GTF3C1: variants seen among roughly 807,000 people sequenced by gnomAD.
GTF3C1 encodes the protein general transcription factor IIIC subunit 1, also known as general transcription factor 3C polypeptide 1.
In GTF3C1, 57 loss-of-function variants were observed where a neutral mutation model predicts 226.7. The ratio of observed to expected loss-of-function variants is 0.25; its 90% confidence interval spans 0.20 to 0.31. The LOEUF (loss-of-function observed/expected upper bound fraction) is 0.31, where lower values mean the gene tolerates loss of function less well. Among genes scored for constraint, GTF3C1 ranks in the 10% least tolerant of loss-of-function variants. The probability of loss-of-function intolerance (pLI) is 1.00; values close to 1 mark genes in which losing one functional copy is unlikely to be tolerated. For synonymous variants in GTF3C1, 1,090 were observed against 1,084.8 expected (o/e 1.00, Z -0.09); for missense variants, 2,217 against 2,776.1 (o/e 0.80, Z 4.53).
chr16:27,548,304 G>A (rs2141472302), intron 1 of GTF3C1, among the ~76,000 whole-genome samples: 1 of 152,250 alleles, frequency 6.6e-6, no homozygotes, highest in Admixed American at 6.5e-5. Flanking sequence ...GTCTCACTCT[G>A]TCACCCAGGC....
intron 6 of GTF3C1, among the ~76,000 whole-genome samples, chr16:27,521,582 C>T (rs1419664703): frequency 6.6e-6 from 1 of 152,244 alleles, no homozygotes; most frequent in Non-Finnish European, 1.5e-5. Context: ...GTGTCTGGGT[C>T]CCCTCGAGAG....
rs1210280295 is a variant in GTF3C1, at chr16:27,471,664, T to C, written c.4526+84A>G. 5.3e-6 allele frequency: 6 copies of C among 1,130,660 alleles called. No individual in the cohort carries two copies. In the Admixed American group the frequency reaches 9.7e-5, roughly 18 times the overall value. 70.0% of individuals were successfully genotyped at this position (1,130,660 alleles called of 1,614,324 possible). The stretch of plus-strand genomic sequence containing the variant: ...GGTCCCTGGCTCCTACACGCTTTCA[T>C]GGCCACAGTGCTTCCTTTGCTCCTC... On this transcript the variant is annotated intron_variant, in intron 30 of 36. Transcript: ENST00000356183. This position sits in a 1 kb window ranked among gnomAD's most constrained non-coding sequence, Gnocchi z 5.0.
At position 27,491,525 on chromosome 16, in the gene GTF3C1, G is replaced by A. The variant is rs1441070390; in HGVS notation, c.3151+813C>T. Among the ~76,000 whole-genome samples, 8 of 152,348 alleles carry A rather than the reference G, an allele frequency of 5.3e-5. No individual in the cohort carries two copies. In the East Asian group the frequency reaches 1.5e-3, roughly 29 times the overall value. The stretch of plus-strand genomic sequence containing the variant: ...GAAATGGAATGATGCTAATAAAGGT[G>A]TGGACACGCTTTCTCTGAGAGGTGA... On this transcript the variant is annotated intron_variant, in intron 19 of 36. Transcript: ENST00000356183.
chr16:27,464,602 C>A lies in GTF3C1; in HGVS notation c.5590G>T (p.Ala1864Ser). The change falls in exon 34 of 37, where the codon GCC (alanine) becomes TCC (serine). Residue 1864 changes from alanine (A) to serine (S), a missense_variant. Around this residue, in one of 12 missense-constraint regions of GTF3C1, gnomAD observed 455 missense variants for 441.9 expected, o/e 1.03. Coordinates refer to ENST00000356183, the MANE Select transcript of GTF3C1 (RefSeq NM_001520.4). Reference sequence around the variant, plus strand: ...TCCCCATTCTCACTGGCCCAGCTGGCGCGCCTCTTGGTGCCCCGGGGGCTG... The same window carrying A: ...TCCCCATTCTCACTGGCCCAGCTGGAGCGCCTCTTGGTGCCCCGGGGGCTG... ...SHSPRGTKRR[A>S]SWASENGETD... The A allele has an allele frequency of 1.3e-6, 2 of 1,493,100 alleles. No homozygotes were observed. The highest frequency in any genetic ancestry group is 1.8e-6 in the Non-Finnish European group (2 of 1,121,118). 92.5% of individuals were successfully genotyped at this position (1,493,100 alleles called of 1,614,324 possible).
chr16:27,517,952 T>C (rs1476401789), intron 6 of GTF3C1, among the ~76,000 whole-genome samples: 1 of 152,180 alleles, frequency 6.6e-6, no homozygotes, highest in East Asian at 1.9e-4. Context: ...CCAGAGTAGC[T>C]GTGAGGCGGA....
intron 25 of GTF3C1, chr16:27,483,438 T>C: frequency 1.9e-6 from 1 of 522,908 alleles, no homozygotes; most frequent in Non-Finnish European, 3.7e-6. Context: ...CTGACCTATG[T>C]GAAAGTGCAT....
chr16:27,540,265 G>A (rs1369603437), intron 2 of GTF3C1, among the ~76,000 whole-genome samples: 5 of 152,174 alleles, frequency 3.3e-5, no homozygotes, highest in African/African-American at 4.8e-5. Flanking sequence ...CCCATATAGT[G>A]CGTCTTCAAA....
At chr16:27,484,452 C>T in intron 24 of GTF3C1, 99 bp from the exon 25 acceptor site, 1 of 777,570 alleles carries the variant, frequency 1.3e-6, no homozygotes, top group Non-Finnish European at 2.2e-6. Flanking sequence ...TTTTGTGCAG[C>T]CTCCTTCCTC....
At chr16:27,548,514 C>A (rs2089202170) in intron 1 of GTF3C1, among the ~76,000 whole-genome samples, 1 of 152,200 alleles carries the variant, frequency 6.6e-6, no homozygotes, top group African/African-American at 2.4e-5. Context: ...ACCCATCCAC[C>A]TCAGCCTCCC....
chr16:27,502,881 G>C lies in GTF3C1; in HGVS notation c.1885C>G (p.Arg629Gly). 1.9e-6 allele frequency: 3 copies of C among 1,597,804 alleles called. No homozygotes were observed. Among genetic ancestry groups the C allele is most frequent in the Non-Finnish European group, 1.7e-6 (2 of 1,171,474 alleles). Residue 629 changes from arginine (R) to glycine (G), a missense_variant, in exon 11 of 37, where the codon CGC becomes GGC. Around this residue, in one of 12 missense-constraint regions of GTF3C1, gnomAD observed 52 missense variants for 110.8 expected, o/e 0.47. Coordinates refer to ENST00000356183, the MANE Select transcript of GTF3C1 (RefSeq NM_001520.4). ...TACGTGAATAAACTCTCGATTAAGC[G>C]AAGATTGGTGACAGCTTCTATGATC... ...NLIIEAVTNLRLIESLFTIQK... is the reference protein window; with the variant it reads ...NLIIEAVTNLGLIESLFTIQK...
chr16:27,540,278 G>T (rs923611061), intron 2 of GTF3C1, among the ~76,000 whole-genome samples: 3 of 152,210 alleles, frequency 2.0e-5, no homozygotes, highest in African/African-American at 7.2e-5. Context: ...TCTTCAAAAA[G>T]AATGTTATGT....
Position 27,465,414 on chromosome 16 carries a change from T to C in GTF3C1, c.5201A>G (p.Tyr1734Cys), listed in dbSNP as rs1394892820. ...GGCAGCAGTCAGGTCTTCGGGACTATACCCAGACAGCTCCAGCTGGAGGAC... is the reference window on the plus strand; with the variant it reads ...GGCAGCAGTCAGGTCTTCGGGACTACACCCAGACAGCTCCAGCTGGAGGAC... Reference protein sequence around the residue: ...EFVLQLELSGYSPEDLTAALE... With the variant: ...EFVLQLELSGCSPEDLTAALE... The change falls in exon 33 of 37, where the codon TAT (tyrosine) becomes TGT (cysteine). Residue 1734 changes from tyrosine (Y) to cysteine (C), a missense_variant. Tyr to Cys is a radical substitution (Grantham distance 194). This residue lies in a region of GTF3C1 where 455 missense variants were observed against 441.9 expected (regional missense o/e 1.03). Coordinates refer to ENST00000356183, the MANE Select transcript of GTF3C1 (RefSeq NM_001520.4). The C allele has an allele frequency of 8.1e-6, 13 of 1,613,928 alleles. No homozygotes were observed. In the Admixed American group the frequency reaches 1.7e-4, roughly 21 times the overall value.
At chr16:27,485,971 C>T (rs1483042006) in intron 24 of GTF3C1, 26 bp downstream of exon 24, 1 of 1,539,154 alleles carries the variant, frequency 6.5e-7, no homozygotes, top group East Asian at 2.4e-5. Flanking sequence ...GGGGCAGGCC[C>T]ACCGCTGGGC....
rs1200669316 is a variant in GTF3C1, at chr16:27,460,909, T to C, written c.*441A>G. On this transcript the variant is annotated 3_prime_UTR_variant, in exon 37 of 37. Transcript: ENST00000356183. ...GCCTGCGGAGGGGCCACAGCCCCCA[T>C]GGGGGGCCCCTCGCAGCGGGGCACA... The C allele has an allele frequency of 1.3e-5, 2 of 155,928 alleles. No homozygotes were observed. Among genetic ancestry groups the C allele is most frequent in the African/African-American group, 4.8e-5 (2 of 41,488 alleles). 9.7% of individuals were successfully genotyped at this position (155,928 alleles called of 1,614,324 possible).
chr16:27,541,859 C>T (rs915973782), intron 2 of GTF3C1, among the ~76,000 whole-genome samples: 4 of 152,130 alleles, frequency 2.6e-5, no homozygotes, highest in South Asian at 2.1e-4. Flanking sequence ...GAACACAACA[C>T]GAACACAAAC....
Position 27,492,858 on chromosome 16 carries a change from C to G in GTF3C1, c.2877-145G>C, listed in dbSNP as rs2088254105. 1.1e-5 allele frequency: 7 copies of G among 641,966 alleles called. No individual in the cohort carries two copies. The highest frequency in any genetic ancestry group is 2.0e-5 in the Non-Finnish European group (7 of 357,394). 39.8% of individuals were successfully genotyped at this position (641,966 alleles called of 1,614,324 possible). On this transcript the variant is annotated intron_variant, in intron 17 of 36. Transcript: ENST00000356183. This position sits in a 1 kb window ranked among gnomAD's most constrained non-coding sequence, Gnocchi z 5.0. ...GAGGACCAGCCTCAAGCCCACACTG[C>G]ACTAAGGCCCAGAACTACCCAACCT... is the stretch of plus-strand genomic sequence containing the variant.
chr16:27,488,034 T>C (rs533144814), intron 23 of GTF3C1, among the ~76,000 whole-genome samples, 193 bp downstream of exon 23: 1 of 152,256 alleles, frequency 6.6e-6, no homozygotes, highest in East Asian at 1.9e-4. Context: ...ATACGGGATA[T>C]TCGAGTCTCT....
chr16:27,485,491 G>C (rs1422487381), intron 24 of GTF3C1, among the ~76,000 whole-genome samples: 1 of 152,246 alleles, frequency 6.6e-6, no homozygotes, highest in Non-Finnish European at 1.5e-5. Context: ...TTCCGGACAT[G>C]ATGGGCAGTT....
At position 27,463,983 on chromosome 16, in the gene GTF3C1, A is replaced by G; in HGVS notation, c.5872+337T>C. The G allele has an allele frequency of 2.4e-6, 1 of 419,216 alleles. No individual in the cohort carries two copies. Among genetic ancestry groups the G allele is most frequent in the Admixed American group, 4.5e-5 (1 of 22,092 alleles). 26.0% of individuals were successfully genotyped at this position (419,216 alleles called of 1,614,324 possible). A position where few individuals can be genotyped will look rare whatever the true frequency, so the allele number is the denominator to read the frequency against. ...GCTGCTGATGACAGACGTGCAGGAA[A>G]GGAAAGGGCGTGCTGCCACCCGAGG... On this transcript the variant is annotated intron_variant, in intron 34 of 36. Transcript: ENST00000356183. The surrounding 1 kb of genome is among the most constrained non-coding windows in gnomAD (Gnocchi z 4.9).
Sources: gnomAD v4.1 joint callset for allele counts (sites outside exome capture counted in the v4.1 genomes callset) on GRCh38, gnomAD v4.1.1 for gene constraint, gnomAD v4.1.1 regional missense constraint, Gnocchi (gnomAD v3.1) non-coding constraint, MANE v1.5 for transcripts, NCBI Gene and HGNC (gene_info 2026-07-23, HGNC 2026-07-21) for gene names.